TRERF1: variants seen among roughly 807,000 people sequenced by gnomAD.
TRERF1 encodes the protein transcriptional-regulating factor 1.
TRERF1 carries 27 observed loss-of-function variants against 122.9 expected under a neutral mutation model. The ratio of observed to expected loss-of-function variants is 0.22; its 90% CI spans 0.16 to 0.30. The LOEUF (loss-of-function observed/expected upper bound fraction) is 0.30, where lower values mean the gene tolerates loss of function less well. Among genes scored for constraint, TRERF1 ranks in the 10% least tolerant of loss-of-function variants. The pLI, the probability that TRERF1 is intolerant of heterozygous loss-of-function variation, is 1.00. For synonymous variants in TRERF1, 636 were observed against 641.7 expected, an observed-to-expected ratio of 0.99 and a Z score of 0.13; for missense variants, 1,248 against 1,560.3, an observed-to-expected ratio of 0.80 and a Z score of 3.37.
chr6:42,250,953 T>C (rs1775655208), intron 13 of TRERF1, among the ~76,000 whole-genome samples: 1 of 151,718 alleles, frequency 6.6e-6, no homozygotes, highest in Non-Finnish European at 1.5e-5. Context: ...TCTGTCTTTC[T>C]TAAAACTTCT....
intron 4 of TRERF1, among the ~76,000 whole-genome samples, chr6:42,272,577 T>C (rs919448319): frequency 9.9e-5 from 15 of 152,192 alleles, no homozygotes; most frequent in South Asian, 2.1e-4. Flanking sequence ...AAGTGAGTCA[T>C]GTCCAGATGA....
intron 15 of TRERF1, among the ~76,000 whole-genome samples, chr6:42,242,032 C>G (rs1773841166): frequency 1.3e-5 from 2 of 152,154 alleles, no homozygotes; most frequent in Non-Finnish European, 2.9e-5. Flanking sequence ...GAAGTTGAGG[C>G]TGTAGTGAGC....
At position 42,313,428 on chromosome 6, in the gene TRERF1, T is replaced by C. The variant is rs538558204; in HGVS notation, c.-370-12679A>G. ...ACTCAATTGCTAAGCCTCATCTCTC[T>C]CTCTCTGTTTCTCTCTCTTTCCTTG... On this transcript the variant is annotated intron_variant, in intron 3 of 17. Transcript: ENST00000372922. Among the ~76,000 whole-genome samples, 7 of 152,254 alleles carry C rather than the reference T, an allele frequency of 4.6e-5. No homozygotes were observed. In the South Asian group the frequency reaches 1.5e-3, roughly 32 times the overall value.
At chr6:42,244,568 AT>A (rs1252607120) in intron 14 of TRERF1, among the ~76,000 whole-genome samples, 1 of 152,194 alleles carries the variant, frequency 6.6e-6, no homozygotes, top group East Asian at 1.9e-4. Context: ...GGAGCACACT[AT>A]AAATACTGCT....
At chr6:42,357,800 C>G (rs1007546923) in intron 3 of TRERF1, among the ~76,000 whole-genome samples, 5 of 152,148 alleles carry the variant, frequency 3.3e-5, no homozygotes, top group Non-Finnish European at 7.4e-5. Context: ...TGTGGCAAAG[C>G]CAGGCAGACG....
At chr6:42,314,562 G>A (rs967668292) in intron 3 of TRERF1, among the ~76,000 whole-genome samples, 1 of 152,196 alleles carries the variant, frequency 6.6e-6, no homozygotes, top group Admixed American at 6.5e-5. Context: ...CCCTCATGGA[G>A]ATTTCATTTT....
chr6:42,334,340 C>T (rs1366035401), intron 3 of TRERF1, among the ~76,000 whole-genome samples: 1 of 152,146 alleles, frequency 6.6e-6, no homozygotes, highest in African/African-American at 2.4e-5. Context: ...GCAACAACTT[C>T]CACCATTACT....
chr6:42,388,785 T>C (rs1227931645), intron 2 of TRERF1, among the ~76,000 whole-genome samples: 1 of 152,244 alleles, frequency 6.6e-6, no homozygotes, highest in Non-Finnish European at 1.5e-5. Flanking sequence ...ATTCATTGTG[T>C]ACAACTTCAC....
Position 42,268,676 on chromosome 6 carries a change from C to T in TRERF1, c.915G>A (p.Gln305=). The change falls in exon 5 of 18, where the codon CAG becomes CAA. Residue 305 remains glutamine (Q), a synonymous_variant. Transcript: ENST00000372922. The surrounding 1 kb of genome is among the most constrained non-coding windows in gnomAD (Gnocchi z 4.4). ...GCTGTAGCTGCTGCGGCTGCTGCTG[C>T]TGTGGCGGCGGCTGTGGCTGTGATG... The T allele has an allele frequency of 1.2e-6, 2 of 1,614,170 alleles. No individual in the cohort carries two copies. Among genetic ancestry groups the T allele is most frequent in the Non-Finnish European group, 1.7e-6 (2 of 1,180,026 alleles).
intron 4 of TRERF1, among the ~76,000 whole-genome samples, chr6:42,290,094 T>G (rs1422946885): frequency 6.6e-6 from 1 of 152,152 alleles, no homozygotes; most frequent in African/African-American, 2.4e-5. Flanking sequence ...AGGCAGTCAC[T>G]GAAGGCAAGA....
intron 3 of TRERF1, among the ~76,000 whole-genome samples, chr6:42,330,826 C>T (rs1330037235): frequency 6.6e-6 from 1 of 152,022 alleles, no homozygotes; most frequent in Non-Finnish European, 1.5e-5. Flanking sequence ...GCCATGGTGC[C>T]CAGCTAATTT....
chr6:42,239,835 A>G (rs1302928999), intron 15 of TRERF1, among the ~76,000 whole-genome samples: 1 of 151,954 alleles, frequency 6.6e-6, no homozygotes, highest in Non-Finnish European at 1.5e-5. Flanking sequence ...GTGAGCTGCC[A>G]TATTGGCCTT....
At chr6:42,360,640 T>A (rs1771524802) in intron 3 of TRERF1, among the ~76,000 whole-genome samples, 1 of 151,142 alleles carries the variant, frequency 6.6e-6, no homozygotes, top group Non-Finnish European at 1.5e-5. Context: ...AAGTTCTATT[T>A]CCCTCCTACC....
intron 3 of TRERF1, among the ~76,000 whole-genome samples, chr6:42,343,441 C>T (rs1176938853): frequency 6.6e-6 from 1 of 152,162 alleles, no homozygotes; most frequent in Non-Finnish European, 1.5e-5. Flanking sequence ...ATGGTTTCCA[C>T]GGTGACATGC....
At chr6:42,417,326 C>A (rs554301451) in intron 2 of TRERF1, among the ~76,000 whole-genome samples, 1 of 95,226 alleles carries the variant, frequency 1.1e-5, no homozygotes, top group African/African-American at 3.8e-5. Flanking sequence ...CCCTACCCCA[C>A]GGACCCCACT....
intron 2 of TRERF1, among the ~76,000 whole-genome samples, chr6:42,375,746 G>A (rs952935384): frequency 6.6e-6 from 1 of 152,100 alleles, no homozygotes; most frequent in African/African-American, 2.4e-5. Context: ...TACTATGGGG[G>A]GCTGTGATCA....
chr6:42,293,839 G>C (rs1784672507), intron 4 of TRERF1, among the ~76,000 whole-genome samples: 1 of 149,820 alleles, frequency 6.7e-6, no homozygotes, highest in Non-Finnish European at 1.5e-5. Context: ...TGACCTGGTT[G>C]GGCAAATGAC....
chr6:42,259,268 A>G lies in TRERF1; in HGVS notation c.2269+71T>C, dbSNP rs913606064. On this transcript the variant is annotated intron_variant, in intron 9 of 17. Coordinates refer to ENST00000372922, the Ensembl canonical transcript of TRERF1. The surrounding 1 kb of genome is among the most constrained non-coding windows in gnomAD (Gnocchi z 4.9). ...AGTCTGTGGGATAAATGAGAAAGCT[A>G]AAGAAAACGAGATGTCCCAGGACTT... 36 of 1,448,318 alleles carry G rather than the reference A, an allele frequency of 2.5e-5. No individual in the cohort carries two copies. The highest frequency in any genetic ancestry group is 3.0e-5 in the Non-Finnish European group (33 of 1,107,274). The allele number at this position is 1,448,318 out of a possible 1,614,324, so 89.7% of individuals were successfully genotyped here.
chr6:42,360,951 G>C (rs961516315), intron 3 of TRERF1, among the ~76,000 whole-genome samples: 2 of 152,202 alleles, frequency 1.3e-5, no homozygotes, highest in Non-Finnish European at 1.5e-5. Context: ...TTCAGAATTA[G>C]GATTTTTGGT....
Sources: allele counts gnomAD v4.1 joint callset (sites outside exome capture counted in the v4.1 genomes callset), GRCh38; gene constraint gnomAD v4.1.1; non-coding constraint Gnocchi (gnomAD v3.1); transcripts MANE v1.5; gene names NCBI Gene and HGNC (gene_info 2026-07-23, HGNC 2026-07-21).